CSMD1: variants seen among roughly 807,000 people sequenced by gnomAD.
CSMD1 encodes the protein CUB and Sushi multiple domains 1.
In CSMD1, 213 loss-of-function variants were observed where a neutral mutation model predicts 417.5. The ratio of observed to expected loss-of-function variants is 0.51; its 90% CI spans 0.46 to 0.57. The LOEUF is 0.57. CSMD1 is among the 20% of genes least tolerant of loss of function. The probability of loss-of-function intolerance (pLI) is 0.00; values close to 1 mark genes in which losing one functional copy is unlikely to be tolerated. For synonymous variants in CSMD1, 2,862 were observed against 1,736.8 expected, an observed-to-expected ratio of 1.65 and a Z score of -16.11; for missense variants, 6,923 against 4,529.7, an observed-to-expected ratio of 1.53 and a Z score of -15.17.
intron 10 of CSMD1, among the ~76,000 whole-genome samples, chr8:3,509,475 G>C (rs1375242435): frequency 6.6e-6 from 1 of 152,168 alleles, no homozygotes; most frequent in Admixed American, 6.5e-5. Context: ...ACAAGTCGTT[G>C]AACTATTTTT....
intron 1 of CSMD1, among the ~76,000 whole-genome samples, chr8:4,869,135 A>C (rs2116905817): frequency 6.6e-6 from 1 of 152,166 alleles, no homozygotes; most frequent in Non-Finnish European, 1.5e-5. Context: ...ATGTCATCAA[A>C]TTTGTGACAC....
chr8:3,658,197 T>C (rs1437252571), intron 7 of CSMD1, among the ~76,000 whole-genome samples: 1 of 152,138 alleles, frequency 6.6e-6, no homozygotes, highest in Admixed American at 6.5e-5. Context: ...ATGTAAACTG[T>C]ATTCAAATAT....
chr8:4,475,876 G>T (rs1490311638), intron 2 of CSMD1, among the ~76,000 whole-genome samples: 1 of 152,136 alleles, frequency 6.6e-6, no homozygotes, highest in Non-Finnish European at 1.5e-5. Flanking sequence ...CGCTCCGAAA[G>T]TGCTGGAATT....
intron 3 of CSMD1, among the ~76,000 whole-genome samples, chr8:4,065,332 A>G (rs934694307): frequency 2.5e-4 from 38 of 152,212 alleles, no homozygotes; most frequent in African/African-American, 8.4e-4. Flanking sequence ...TTTAACCAGA[A>G]TAAGGCTGGT....
intron 5 of CSMD1, among the ~76,000 whole-genome samples, chr8:3,996,444 A>ATT (rs34769872): frequency 0.015 from 2,227 of 150,738 alleles, 58 homozygotes; most frequent in African/African-American, 0.05. Flanking sequence ...CATTTTTAAG[A>ATT]TTTTTTTTTT....
intron 1 of CSMD1, among the ~76,000 whole-genome samples, chr8:4,993,382 CTCTCTCTCTG>C (rs1049890508): frequency 2.0e-5 from 2 of 98,460 alleles, no homozygotes; most frequent in African/African-American, 5.5e-5. Flanking sequence ...TCAGTATTCT[CTCTCTCTCTG>C]TCTCTCTCCC....
intron 1 of CSMD1, among the ~76,000 whole-genome samples, chr8:4,696,922 C>A (rs1420244509): frequency 6.6e-6 from 1 of 152,162 alleles, no homozygotes; most frequent in African/African-American, 2.4e-5. Flanking sequence ...TCCTGTAATC[C>A]CAGCACTTTA....
chr8:4,915,584 G>C (rs1806004751), intron 1 of CSMD1, among the ~76,000 whole-genome samples: 2 of 152,348 alleles, frequency 1.3e-5, no homozygotes, highest in South Asian at 4.1e-4. Flanking sequence ...CAGGAGCAGG[G>C]ACAGCTGGGG....
intron 40 of CSMD1, among the ~76,000 whole-genome samples, chr8:3,147,200 G>C (rs554768607): frequency 6.6e-6 from 1 of 152,212 alleles, no homozygotes; most frequent in South Asian, 2.1e-4. Context: ...AGAATGTTTT[G>C]CAAGAACGAT....
intron 3 of CSMD1, among the ~76,000 whole-genome samples, chr8:4,092,345 T>C (rs1800765184): frequency 1.3e-5 from 2 of 152,166 alleles, no homozygotes; most frequent in Non-Finnish European, 2.9e-5. Context: ...TCCAGGAGAA[T>C]CATGACGTGA....
intron 8 of CSMD1, among the ~76,000 whole-genome samples, chr8:3,601,529 A>G (rs2117081699): frequency 1.3e-5 from 2 of 152,296 alleles, no homozygotes; most frequent in East Asian, 1.9e-4. Context: ...GCACATCAGA[A>G]TCACAGCAGG....
intron 3 of CSMD1, among the ~76,000 whole-genome samples, chr8:4,326,020 T>G (rs931778483): frequency 3.9e-5 from 6 of 152,194 alleles, no homozygotes; most frequent in Non-Finnish European, 8.8e-5. Context: ...TGGCTCGCTA[T>G]TTTTAAAGCA....
chr8:3,513,667 G>T (rs1320245710), intron 10 of CSMD1, among the ~76,000 whole-genome samples: 1 of 152,156 alleles, frequency 6.6e-6, no homozygotes, highest in East Asian at 1.9e-4. Context: ...CAGCCAATAT[G>T]CCAGCAGGTC....
At chr8:3,090,954 G>C (rs537266676) in intron 48 of CSMD1, among the ~76,000 whole-genome samples, 1 of 152,158 alleles carries the variant, frequency 6.6e-6, no homozygotes, top group Non-Finnish European at 1.5e-5. Flanking sequence ...ATAAATCACT[G>C]CTGGCAGAGA....
chr8:4,385,337 G>A (rs770759721), intron 3 of CSMD1, among the ~76,000 whole-genome samples: 1 of 152,090 alleles, frequency 6.6e-6, no homozygotes, highest in African/African-American at 2.4e-5. Flanking sequence ...CACCTAAAAC[G>A]GGCCCTTCAC....
intron 3 of CSMD1, among the ~76,000 whole-genome samples, chr8:4,215,450 G>C (rs148772454): frequency 1.3e-5 from 2 of 151,794 alleles, no homozygotes; most frequent in Admixed American, 6.6e-5. Flanking sequence ...AATGCTTCCT[G>C]AATATTTTAC....
At chr8:3,653,761 T>C (rs942825506) in intron 7 of CSMD1, among the ~76,000 whole-genome samples, 26 of 152,288 alleles carry the variant, frequency 1.7e-4, no homozygotes, top group African/African-American at 6.3e-4. Flanking sequence ...TGTTACACAG[T>C]GGGTCCCCAA....
At chr8:4,761,840 T>TCC (rs1563318734) in intron 1 of CSMD1, among the ~76,000 whole-genome samples, 219 of 84,954 alleles carry the variant, frequency 2.6e-3, no homozygotes, top group African/African-American at 9.4e-3. Flanking sequence ...ACCATGCATC[T>TCC]ATCTATCTAT....
chr8:3,351,081 T>C (rs1019028699), intron 21 of CSMD1, among the ~76,000 whole-genome samples: 1 of 152,236 alleles, frequency 6.6e-6, no homozygotes, highest in Admixed American at 6.5e-5. Context: ...TAAAGTCTTC[T>C]ATTAGTATCT....
Sources: gnomAD v4.1 joint callset for allele counts (sites outside exome capture counted in the v4.1 genomes callset) on GRCh38, gnomAD v4.1.1 for gene constraint, MANE v1.5 for transcripts, NCBI Gene and HGNC (gene_info 2026-07-23, HGNC 2026-07-21) for gene names.